The following GHR variants were observed in gnomAD, a reference collection of about 807,000 sequenced individuals.
GHR encodes GH receptor.
In GHR, 35 loss-of-function variants were observed where a neutral mutation model predicts 67.1. The ratio of observed to expected loss-of-function variants is 0.52; its 90% CI spans 0.40 to 0.69. The LOEUF is 0.69. Among genes scored for constraint, GHR ranks in the 30% least tolerant of loss-of-function variants. The pLI, the probability that GHR is intolerant of heterozygous loss-of-function variation, is 0.00. For missense variants in GHR, 792 were observed against 764.6 expected (o/e 1.04, Z -0.42); for synonymous variants, 272 against 269.1 (o/e 1.01, Z -0.10).
intron 1 of GHR, among the ~76,000 whole-genome samples, chr5:42,456,210 C>T (rs1007727873): frequency 6.6e-6 from 1 of 152,200 alleles, no homozygotes; most frequent in African/African-American, 2.4e-5. Context: ...ACTCAGGAGG[C>T]TGAGGCAGGA....
At chr5:42,516,259 T>C (rs146263775) in intron 1 of GHR, among the ~76,000 whole-genome samples, 1 of 152,202 alleles carries the variant, frequency 6.6e-6, no homozygotes, top group East Asian at 1.9e-4. Flanking sequence ...ATTTGTTAGA[T>C]TTTTCTCAAG....
chr5:42,469,060 A>G (rs1744880246), intron 1 of GHR, among the ~76,000 whole-genome samples: 1 of 152,256 alleles, frequency 6.6e-6, no homozygotes, highest in African/African-American at 2.4e-5. Context: ...TGACTTTATG[A>G]CAAATTAAAA....
chr5:42,620,332 A>G (rs1561173603), intron 2 of GHR, among the ~76,000 whole-genome samples: 1 of 152,182 alleles, frequency 6.6e-6, no homozygotes, highest in Non-Finnish European at 1.5e-5. Context: ...TAGTAATTTT[A>G]CAAATATGTA....
intron 1 of GHR, among the ~76,000 whole-genome samples, chr5:42,517,576 G>GACC (rs1747294390): frequency 1.3e-5 from 2 of 152,132 alleles, no homozygotes; most frequent in African/African-American, 4.8e-5. Context: ...TTATGGTCAG[G>GACC]ACCTGTTTTT....
intron 1 of GHR, among the ~76,000 whole-genome samples, chr5:42,453,785 G>T (rs1159069190): frequency 6.6e-6 from 1 of 152,182 alleles, no homozygotes; most frequent in African/African-American, 2.4e-5. Context: ...AGCCCCAGCT[G>T]TGTCTGCAGT....
At chr5:42,444,960 A>G (rs891353756) in intron 1 of GHR, among the ~76,000 whole-genome samples, 1 of 152,166 alleles carries the variant, frequency 6.6e-6, no homozygotes, top group African/African-American at 2.4e-5. Flanking sequence ...TGAATTCAGG[A>G]TCTATGTCTA....
rs1400582611 is a variant in GHR at position 42,719,478 on chromosome 5, G to A, written c.*54G>A. On this transcript the variant is annotated 3_prime_UTR_variant, in exon 10 of 10. Coordinates refer to ENST00000230882, the MANE Select transcript of GHR (RefSeq NM_000163.5). ...ATTTAATAGCAAAGAATTGACTGGG[G>A]CAATAACGTTTAAGCCAAAACAATG... is the stretch of plus-strand genomic sequence containing the variant. 4.5e-6 allele frequency: 7 copies of A among 1,552,004 alleles called. No homozygotes were observed. The highest frequency in any genetic ancestry group is 1.7e-5 in the Admixed American group (1 of 59,942).
At chr5:42,498,350 A>G (rs1273383047) in intron 1 of GHR, among the ~76,000 whole-genome samples, 1 of 152,178 alleles carries the variant, frequency 6.6e-6, no homozygotes, top group Non-Finnish European at 1.5e-5. Flanking sequence ...GGAAGGGTAA[A>G]AGGGAGAAAG....
intron 3 of GHR, among the ~76,000 whole-genome samples, chr5:42,665,940 T>G (rs936629784): frequency 1.3e-5 from 2 of 151,960 alleles, no homozygotes; most frequent in Middle Eastern, 3.2e-3. Context: ...TTCACTGTCA[T>G]GAGAACAGCA....
intron 3 of GHR, among the ~76,000 whole-genome samples, chr5:42,671,484 C>A (rs548038859): frequency 2.0e-5 from 3 of 151,932 alleles, no homozygotes; most frequent in Admixed American, 2.0e-4. Flanking sequence ...AATATTCAAA[C>A]TATATCAAGT....
At chr5:42,433,529 T>C (rs889724318) in intron 1 of GHR, among the ~76,000 whole-genome samples, 1 of 152,088 alleles carries the variant, frequency 6.6e-6, no homozygotes, top group Non-Finnish European at 1.5e-5. Context: ...GTACCAAGCA[T>C]TCAAGCTAGA....
At chr5:42,651,290 G>A (rs1370088078) in intron 3 of GHR, among the ~76,000 whole-genome samples, 2 of 152,162 alleles carry the variant, frequency 1.3e-5, no homozygotes, top group Admixed American at 6.5e-5. Flanking sequence ...CTAATCCTGT[G>A]TATAGCCTTT....
intron 1 of GHR, among the ~76,000 whole-genome samples, chr5:42,502,321 G>A (rs1746572873): frequency 6.6e-6 from 1 of 152,136 alleles, no homozygotes; most frequent in Non-Finnish European, 1.5e-5. Context: ...TTAGGCATAA[G>A]TAAGACAAAG....
At chr5:42,649,186 C>T (rs920035957) in intron 3 of GHR, among the ~76,000 whole-genome samples, 1 of 152,252 alleles carries the variant, frequency 6.6e-6, no homozygotes. Context: ...ATAAATACTA[C>T]CTACTTTATA....
At position 42,468,494 on chromosome 5, in the gene GHR, G is replaced by A. The variant is rs1336468625; in HGVS notation, c.-12+44539G>A. ...CCGACCAGAGTTCACTGGCTCTGCAGCAGGAGGCTGGGGGACCAGGACCTC... is the reference window on the plus strand; with the variant it reads ...CCGACCAGAGTTCACTGGCTCTGCAACAGGAGGCTGGGGGACCAGGACCTC... On this transcript the variant is annotated intron_variant, in intron 1 of 9. Coordinates refer to ENST00000230882, the MANE Select transcript of GHR (RefSeq NM_000163.5). 1.4e-5 allele frequency: 11 copies of A among 784,474 alleles called. No individual in the cohort carries two copies. In the East Asian group the frequency reaches 1.8e-4, roughly 13 times the overall value. The allele number at this position is 784,474 out of a possible 1,614,324, so 48.6% of individuals were successfully genotyped here.
chr5:42,617,135 T>G (rs1040586213), intron 2 of GHR, among the ~76,000 whole-genome samples: 3 of 151,916 alleles, frequency 2.0e-5, no homozygotes, highest in African/African-American at 7.3e-5. Flanking sequence ...TTTGGTGGTG[T>G]TCTTTAGAAA....
At chr5:42,634,686 A>T (rs1189897335) in intron 3 of GHR, among the ~76,000 whole-genome samples, 2 of 152,114 alleles carry the variant, frequency 1.3e-5, no homozygotes, top group Non-Finnish European at 2.9e-5. Context: ...TATCTTGTCT[A>T]TTGCTGAGTA....
At chr5:42,650,193 G>T (rs907664030) in intron 3 of GHR, among the ~76,000 whole-genome samples, 2 of 152,088 alleles carry the variant, frequency 1.3e-5, no homozygotes, top group African/African-American at 2.4e-5. Flanking sequence ...TCCTTAGACC[G>T]TGATGTTGCT....
At chr5:42,555,324 A>G (rs1561118816) in intron 1 of GHR, among the ~76,000 whole-genome samples, 2 of 152,290 alleles carry the variant, frequency 1.3e-5, no homozygotes, top group East Asian at 3.9e-4. Flanking sequence ...GCACTTATGA[A>G]TTATCACTGT....
Sources: gnomAD v4.1 joint callset for allele counts (sites outside exome capture counted in the v4.1 genomes callset) on GRCh38, gnomAD v4.1.1 for gene constraint, MANE v1.5 for transcripts, NCBI Gene and HGNC (gene_info 2026-07-23, HGNC 2026-07-21) for gene names.